ELOVL6: variants seen among roughly 807,000 people sequenced by gnomAD.
The protein encoded by ELOVL6 is ELOVL fatty acid elongase 6, also known as very long chain fatty acid elongase 6.
A neutral mutation model predicts 31.7 loss-of-function variants in ELOVL6; 8 were observed. That is an observed-to-expected ratio of 0.25 (90% confidence interval 0.15 to 0.45). The LOEUF (loss-of-function observed/expected upper bound fraction) is 0.45. Ranked by LOEUF, ELOVL6 falls within the 20% of genes least tolerant of loss-of-function variation. The pLI, the probability that ELOVL6 is intolerant of heterozygous loss-of-function variation, is 1.00. For missense variants in ELOVL6, 126 were observed against 326.4 expected, an observed-to-expected ratio of 0.39 and a Z score of 4.73; for synonymous variants, 101 against 117.7, an observed-to-expected ratio of 0.86 and a Z score of 0.92.
At chr4:110,096,811 G>A (rs1040673992) in intron 2 of ELOVL6, among the ~76,000 whole-genome samples, 9 of 152,086 alleles carry the variant, frequency 5.9e-5, no homozygotes, top group African/African-American at 1.9e-4. Context: ...GCATGTATAG[G>A]TCATCAGAAT....
At chr4:110,084,002 G>GTTATATAT (rs1560813440) in intron 2 of ELOVL6, among the ~76,000 whole-genome samples, 1 of 9,116 alleles carries the variant, frequency 1.1e-4, no homozygotes, top group African/African-American at 4.8e-4. Context: ...TATAACATAT[G>GTTATATAT]CCATATATGG....
intron 1 of ELOVL6, among the ~76,000 whole-genome samples, chr4:110,191,548 T>C (rs935181801): frequency 6.6e-6 from 1 of 152,182 alleles, no homozygotes; most frequent in African/African-American, 2.4e-5. Context: ...TGTGAAAAAT[T>C]AAGTTAATCA....
At chr4:110,108,038 T>C (rs1444972758) in intron 1 of ELOVL6, among the ~76,000 whole-genome samples, 1 of 152,184 alleles carries the variant, frequency 6.6e-6, no homozygotes, top group Non-Finnish European at 1.5e-5. Flanking sequence ...AGCTGTCCTG[T>C]TGAATTACAT....
intron 1 of ELOVL6, among the ~76,000 whole-genome samples, chr4:110,169,005 A>T (rs1758862005): frequency 6.6e-6 from 1 of 152,168 alleles, no homozygotes; most frequent in African/African-American, 2.4e-5. Flanking sequence ...TCTGTCACCC[A>T]GGCTGGTTTG....
intron 1 of ELOVL6, among the ~76,000 whole-genome samples, chr4:110,138,387 G>A (rs1757865517): frequency 6.6e-6 from 1 of 152,046 alleles, no homozygotes; most frequent in Non-Finnish European, 1.5e-5. Context: ...GAACAAAATG[G>A]GTACAAATGA....
At chr4:110,168,634 CTTTTCAAAATATCACCTTTGAAAATGG>C (rs1419169382) in intron 1 of ELOVL6, among the ~76,000 whole-genome samples, 1 of 152,112 alleles carries the variant, frequency 6.6e-6, no homozygotes, top group Non-Finnish European at 1.5e-5. Context: ...CCACCATATG[CTTTTCAAAATATCACCTTTGAAAATGG>C]TTTCTGTAAT....
chr4:110,168,743 C>A (rs1005426879), intron 1 of ELOVL6, among the ~76,000 whole-genome samples: 2 of 152,104 alleles, frequency 1.3e-5, no homozygotes, highest in East Asian at 1.9e-4. Flanking sequence ...CAGTGTGGAC[C>A]TAGACTGCCT....
intron 1 of ELOVL6, among the ~76,000 whole-genome samples, chr4:110,157,462 G>A (rs1319103981): frequency 6.6e-6 from 1 of 152,120 alleles, no homozygotes. Context: ...AGTGAGGTCA[G>A]GAGTTCAAGA....
At chr4:110,158,657 A>ATATATATATATATATATATATATT in intron 1 of ELOVL6, among the ~76,000 whole-genome samples, 1 of 74,162 alleles carries the variant, frequency 1.3e-5, no homozygotes, top group African/African-American at 8.3e-5. Context: ...ATATATATAT[A>ATATATATATATATATATATATATT]TTTTTTTTTT....
chr4:110,130,148 G>C (rs777029828), intron 1 of ELOVL6, among the ~76,000 whole-genome samples: 42 of 151,760 alleles, frequency 2.8e-4, no homozygotes, highest in Non-Finnish European at 5.4e-4. Flanking sequence ...CGCCCACCTC[G>C]GCCTCCCAAA....
At chr4:110,105,934 T>TGA (rs1403989653) in intron 1 of ELOVL6, among the ~76,000 whole-genome samples, 1 of 152,246 alleles carries the variant, frequency 6.6e-6, no homozygotes, top group African/African-American at 2.4e-5. Flanking sequence ...GTCTTTTCAC[T>TGA]GAGAGAAATA....
At chr4:110,098,441 T>TA (rs1217677763) in intron 2 of ELOVL6, among the ~76,000 whole-genome samples, 2 of 152,176 alleles carry the variant, frequency 1.3e-5, no homozygotes, top group African/African-American at 2.4e-5. Flanking sequence ...CCATACTTTT[T>TA]ATCAAAGCTA....
intron 2 of ELOVL6, among the ~76,000 whole-genome samples, chr4:110,084,186 C>CATATATGTGATATATATGAT (rs201356784): frequency 0.013 from 565 of 44,440 alleles, 27 homozygotes; most frequent in South Asian, 0.029. Flanking sequence ...ATATATATAA[C>CATATATGTGATATATATGAT]ATATAACTTA....
intron 2 of ELOVL6, among the ~76,000 whole-genome samples, chr4:110,101,331 C>T (rs1052826657): frequency 2.0e-5 from 3 of 151,878 alleles, no homozygotes; most frequent in Admixed American, 6.6e-5. Flanking sequence ...TGAGCCACCA[C>T]GCCTGGCCAG....
At chr4:110,084,448 G>GATATATCACATATCATATATGATATATCA (rs1553956196) in intron 2 of ELOVL6, among the ~76,000 whole-genome samples, 5 of 32,084 alleles carry the variant, frequency 1.6e-4, no homozygotes, top group East Asian at 4.3e-3. Context: ...ATGATATATC[G>GATATATCACATATCATATATGATATATCA]CATATATCAT....
chr4:110,177,799 T>C (rs901913583), intron 1 of ELOVL6, among the ~76,000 whole-genome samples: 2 of 152,202 alleles, frequency 1.3e-5, no homozygotes, highest in African/African-American at 2.4e-5. Context: ...AGGCTACAGT[T>C]AATTAAGTTC....
chr4:110,165,560 C>A (rs1758751956), intron 1 of ELOVL6, among the ~76,000 whole-genome samples: 1 of 152,206 alleles, frequency 6.6e-6, no homozygotes, highest in Non-Finnish European at 1.5e-5. Context: ...AGAGACACAG[C>A]AGCCTGCACT....
chr4:110,084,403 T>C (rs144167114), intron 2 of ELOVL6, among the ~76,000 whole-genome samples: 496 of 19,952 alleles, frequency 0.025, 3 homozygotes, highest in East Asian at 0.13. Flanking sequence ...TGATATATGA[T>C]ATATGACATA....
At chr4:110,067,969 C>T (rs2126225657) in intron 2 of ELOVL6, among the ~76,000 whole-genome samples, 2 of 152,204 alleles carry the variant, frequency 1.3e-5, no homozygotes, top group Middle Eastern at 6.8e-3. Flanking sequence ...CTGAATGTTA[C>T]TTAGACATTA....
Sources: allele counts gnomAD v4.1 joint callset (sites outside exome capture counted in the v4.1 genomes callset), GRCh38; gene constraint gnomAD v4.1.1; transcripts MANE v1.5; gene names NCBI Gene and HGNC (gene_info 2026-07-23, HGNC 2026-07-21).